WDFY3: variants seen among roughly 807,000 people sequenced by gnomAD.
WDFY3 encodes the protein WD repeat and FYVE domain containing 3, also known as WD repeat and FYVE domain-containing protein 3.
In WDFY3, 66 loss-of-function variants were observed where a neutral mutation model predicts 409.6. The ratio of observed to expected loss-of-function variants is 0.16; its 90% CI spans 0.13 to 0.20. WDFY3 has a LOEUF of 0.20. WDFY3 is among the 10% of genes least tolerant of loss of function. The pLI, the probability that WDFY3 is intolerant of heterozygous loss-of-function variation, is 1.00. For synonymous variants in WDFY3, 1,521 were observed against 1,537.1 expected (o/e 0.99, Z 0.25); for missense variants, 3,031 against 4,298.1 (o/e 0.71, Z 8.24).
intron 14 of WDFY3, chr4:84,809,310 A>G (rs923832232): frequency 6.5e-6 from 1 of 152,696 alleles, no homozygotes; most frequent in Admixed American, 6.5e-5. Flanking sequence ...AGCCCTGTGT[A>G]GAGCTGAATC....
chr4:84,705,575 T>C (rs1731791167), intron 53 of WDFY3, 64 bp from the exon 54 acceptor site: 7 of 1,282,650 alleles, frequency 5.5e-6, no homozygotes, highest in Non-Finnish European at 7.9e-6. Flanking sequence ...CTAACGTAGA[T>C]ACAGTGGCTG....
At chr4:84,765,119 T>G (rs1560701003) in intron 32 of WDFY3, among the ~76,000 whole-genome samples, 1 of 152,316 alleles carries the variant, frequency 6.6e-6, no homozygotes, top group South Asian at 2.1e-4. Context: ...TTTAAAATTA[T>G]TTAACTGAAT....
rs770292455 is a variant in WDFY3 at position 84,672,943 on chromosome 4, C to T, written c.10506G>A (p.Pro3502=). 9 of 1,595,350 alleles carry T rather than the reference C, an allele frequency of 5.6e-6. No individual in the cohort carries two copies. In the Admixed American group the frequency reaches 8.4e-5, roughly 15 times the overall value. ...AATAACAGTTCTGACAAACACGCACCGGGGATGAGATTTTCAAGCGTTTGA... is the reference window on the plus strand; with the variant it reads ...AATAACAGTTCTGACAAACACGCACTGGGGATGAGATTTTCAAGCGTTTGA... ...SEIKRLKISS[P]VRVCQNCYYN... The change falls in exon 68 of 68, where the codon CCG becomes CCA. Residue 3502 remains proline, a synonymous_variant. Coordinates refer to ENST00000295888, the MANE Select transcript of WDFY3 (RefSeq NM_014991.6).
rs540479418 is a variant in WDFY3 at position 84,681,387 on chromosome 4, T to C, written c.9823+987A>G. Among the ~76,000 whole-genome samples, 6 of 152,318 alleles carry C rather than the reference T, an allele frequency of 3.9e-5. No homozygotes were observed. In the South Asian group the frequency reaches 6.2e-4, roughly 16 times the overall value. ...ATAACAGGTAACCCCCAAACACTTA[T>C]TGAATTAAACTGAATTTTTATGTCC... On this transcript the variant is annotated intron_variant, in intron 64 of 67. Coordinates refer to ENST00000295888, the MANE Select transcript of WDFY3 (RefSeq NM_014991.6).
chr4:84,700,858 C>T (rs751793421), intron 56 of WDFY3, among the ~76,000 whole-genome samples: 6 of 152,178 alleles, frequency 3.9e-5, no homozygotes, highest in African/African-American at 9.7e-5. Flanking sequence ...ACCACTGAGA[C>T]GGGCAGATCA....
At chr4:84,956,393 C>A (rs938372067) in intron 1 of WDFY3, among the ~76,000 whole-genome samples, 1 of 152,154 alleles carries the variant, frequency 6.6e-6, no homozygotes, top group Admixed American at 6.5e-5. Flanking sequence ...AAGAACCAGA[C>A]GCCAGACAGG....
At chr4:84,829,269 T>C (rs1415208583) in intron 8 of WDFY3, 79 bp from the exon 9 acceptor site, 17 of 1,149,452 alleles carry the variant, frequency 1.5e-5, no homozygotes, top group Non-Finnish European at 1.9e-5. Context: ...AACTGTTGTT[T>C]AATGAAACAT....
intron 8 of WDFY3, among the ~76,000 whole-genome samples, chr4:84,830,549 T>C (rs897990645): frequency 1.3e-5 from 2 of 152,200 alleles, no homozygotes; most frequent in African/African-American, 2.4e-5. Flanking sequence ...AACCCCACCA[T>C]AAATTGAGGA....
At chr4:84,756,402 T>C (rs1468525277) in intron 33 of WDFY3, among the ~76,000 whole-genome samples, 1 of 151,872 alleles carries the variant, frequency 6.6e-6, no homozygotes, top group Non-Finnish European at 1.5e-5. Context: ...TAGGCCAACA[T>C]GGTGAGACCC....
intron 3 of WDFY3, among the ~76,000 whole-genome samples, chr4:84,887,565 G>A (rs1308624032): frequency 6.6e-6 from 1 of 152,086 alleles, no homozygotes; most frequent in African/African-American, 2.4e-5. Context: ...TTTCGTCCAG[G>A]AAATATAGCC....
chr4:84,918,352 T>C (rs999701617), intron 2 of WDFY3, among the ~76,000 whole-genome samples: 6 of 152,078 alleles, frequency 3.9e-5, no homozygotes, highest in Admixed American at 2.0e-4. Context: ...CACAAAAGAA[T>C]GATGACGACC....
intron 18 of WDFY3, among the ~76,000 whole-genome samples, chr4:84,797,490 A>C (rs1749660233): frequency 6.6e-6 from 1 of 152,252 alleles, no homozygotes; most frequent in South Asian, 2.1e-4. Flanking sequence ...AAGATATTTC[A>C]AATATTCTCT....
At chr4:84,811,321 T>C (rs1273361655) in intron 13 of WDFY3, among the ~76,000 whole-genome samples, 1 of 152,168 alleles carries the variant, frequency 6.6e-6, no homozygotes, top group Non-Finnish European at 1.5e-5. Flanking sequence ...AAAAAACACA[T>C]TACAAAATCA....
At chr4:84,851,737 T>C (rs879394684) in intron 4 of WDFY3, among the ~76,000 whole-genome samples, 68 of 152,210 alleles carry the variant, frequency 4.5e-4, no homozygotes, top group Non-Finnish European at 8.4e-4. Context: ...TTTAAGGAAG[T>C]AGTTCTATTC....
At position 84,740,265 on chromosome 4, in the gene WDFY3, A is replaced by G; in HGVS notation, c.6386T>C (p.Leu2129Ser). 1.2e-6 allele frequency: 2 copies of G among 1,614,032 alleles called. No individual in the cohort carries two copies. The highest frequency in any genetic ancestry group is 8.5e-7 in the Non-Finnish European group (1 of 1,180,002). The change falls in exon 39 of 68, where the codon TTG (leucine) becomes TCG (serine). Residue 2129 changes from leucine to serine, a missense_variant. Coordinates refer to ENST00000295888, the MANE Select transcript of WDFY3 (RefSeq NM_014991.6). Reference protein sequence around the residue: ...SLRVLTVNRNLILGPGNHDQE... With the variant: ...SLRVLTVNRNSILGPGNHDQE... ...GTCATGGTTCCCAGGTCCCAGGATC[A>G]AGTTTCTGTTTACAGTGAGGACCCT...
At chr4:84,699,831 A>C (rs1446617946) in intron 56 of WDFY3, among the ~76,000 whole-genome samples, 1 of 151,414 alleles carries the variant, frequency 6.6e-6, no homozygotes, top group Admixed American at 6.6e-5. Flanking sequence ...TCTTTTCATG[A>C]GTTTACTGGC....
At chr4:84,815,189 C>T (rs1332813068) in intron 13 of WDFY3, among the ~76,000 whole-genome samples, 1 of 152,120 alleles carries the variant, frequency 6.6e-6, no homozygotes, top group African/African-American at 2.4e-5. Context: ...CAAGGTTAAA[C>T]ACACTGGTTT....
chr4:84,950,632 T>C (rs1034990208), intron 1 of WDFY3, among the ~76,000 whole-genome samples: 13 of 151,962 alleles, frequency 8.6e-5, no homozygotes, highest in African/African-American at 2.2e-4. Context: ...TCTATTAAAA[T>C]ACAAAAACTT....
At chr4:84,748,960 C>T (rs189608441) in intron 36 of WDFY3, among the ~76,000 whole-genome samples, 79 of 151,758 alleles carry the variant, frequency 5.2e-4, no homozygotes, top group African/African-American at 1.8e-3. Context: ...GGTGTAATTA[C>T]GGCTCACTGC....
Sources: allele counts gnomAD v4.1 joint callset (sites outside exome capture counted in the v4.1 genomes callset), GRCh38; gene constraint gnomAD v4.1.1; transcripts MANE v1.5; gene names NCBI Gene and HGNC (gene_info 2026-07-23, HGNC 2026-07-21).